Variants in CACNB4 observed in about 807,000 individuals in gnomAD.
CACNB4 encodes calcium voltage-gated channel auxiliary subunit beta 4, also known as voltage-dependent L-type calcium channel subunit beta-4.
Under a neutral mutation model 71.2 loss-of-function variants are expected in CACNB4, and 32 were observed. That is an observed-to-expected ratio of 0.45 (90% CI 0.34 to 0.60). CACNB4 has a LOEUF of 0.60. CACNB4 is among the 20% of genes least tolerant of loss of function. The pLI is 0.01. For synonymous variants in CACNB4, 231 were observed against 236.9 expected, an observed-to-expected ratio of 0.97 and a Z score of 0.23; for missense variants, 464 against 647.9, an observed-to-expected ratio of 0.72 and a Z score of 3.08.
chr2:151,847,349 G>A (rs1037982386), intron 12 of CACNB4, among the ~76,000 whole-genome samples: 1 of 151,948 alleles, frequency 6.6e-6, no homozygotes, highest in Non-Finnish European at 1.5e-5. Flanking sequence ...GAACAACAGA[G>A]CAAGACCCTG....
chr2:152,092,966 A>G lies in CACNB4; in HGVS notation c.147+5364T>C, dbSNP rs192228494. 2.0e-5 allele frequency among the ~76,000 whole-genome samples: 3 copies of G among 152,316 alleles called. No homozygotes were observed. The East Asian group carries it at 5.8e-4, about 29-fold the overall frequency. ...AATGTTAACAATATGTCATAATAAA[A>G]GTTATATGAAATGTAGTCTCTTTCT... On this transcript the variant is annotated intron_variant, in intron 2 of 13. Coordinates refer to ENST00000539935, the MANE Select transcript of CACNB4 (RefSeq NM_000726.5).
At chr2:152,053,617 G>A (rs1241819452) in intron 2 of CACNB4, among the ~76,000 whole-genome samples, 1 of 149,774 alleles carries the variant, frequency 6.7e-6, no homozygotes, top group Non-Finnish European at 1.5e-5. Flanking sequence ...TCGACCTCCT[G>A]AGCTCAAGAG....
At chr2:151,912,220 G>T (rs2099856353) in intron 2 of CACNB4, among the ~76,000 whole-genome samples, 1 of 151,810 alleles carries the variant, frequency 6.6e-6, no homozygotes, top group Admixed American at 6.6e-5. Flanking sequence ...TTTTGGATTA[G>T]CTTGCTCTTG....
At chr2:151,961,891 CAAAAAAAAT>C (rs2099869755) in intron 2 of CACNB4, among the ~76,000 whole-genome samples, 1 of 46,988 alleles carries the variant, frequency 2.1e-5, no homozygotes, top group Admixed American at 1.5e-4. Context: ...GACCCTGTCT[CAAAAAAAAT>C]AAAAAAAAGA....
chr2:151,933,499 C>T (rs972993787), intron 2 of CACNB4, among the ~76,000 whole-genome samples: 2 of 151,926 alleles, frequency 1.3e-5, no homozygotes, highest in African/African-American at 4.8e-5. Context: ...AACTGTCATC[C>T]CTCTTGTAAC....
chr2:151,945,391 G>A (rs932353319), intron 2 of CACNB4, among the ~76,000 whole-genome samples: 18 of 152,184 alleles, frequency 1.2e-4, no homozygotes, highest in African/African-American at 3.1e-4. Context: ...GGGATAGGCC[G>A]GGCATGATGG....
At chr2:151,889,578 T>A (rs1422702259) in intron 2 of CACNB4, among the ~76,000 whole-genome samples, 1 of 152,048 alleles carries the variant, frequency 6.6e-6, no homozygotes, top group Non-Finnish European at 1.5e-5. Context: ...TTGTTTGTAA[T>A]GACTTGACAA....
At chr2:152,022,807 C>T (rs950923694) in intron 2 of CACNB4, among the ~76,000 whole-genome samples, 1 of 152,152 alleles carries the variant, frequency 6.6e-6, no homozygotes, top group African/African-American at 2.4e-5. Context: ...GTTGCCACAA[C>T]TCTCCTACTT....
intron 2 of CACNB4, among the ~76,000 whole-genome samples, chr2:152,023,562 G>A (rs1463211592): frequency 3.3e-5 from 5 of 151,936 alleles, no homozygotes; most frequent in African/African-American, 1.2e-4. Flanking sequence ...AGCCTCCCAA[G>A]TAGCTGGGAT....
intron 2 of CACNB4, among the ~76,000 whole-genome samples, chr2:151,934,005 G>A (rs1349319707): frequency 2.0e-5 from 3 of 150,786 alleles, no homozygotes; most frequent in East Asian, 1.9e-4. Flanking sequence ...TCTGAAGAGA[G>A]TTATAAGGTG....
At chr2:152,082,338 C>T (rs557712524) in intron 2 of CACNB4, among the ~76,000 whole-genome samples, 2 of 152,246 alleles carry the variant, frequency 1.3e-5, no homozygotes, top group South Asian at 2.1e-4. Flanking sequence ...ACTGAATGGC[C>T]GTATGTTGTA....
chr2:151,879,488 T>C lies in CACNB4; in HGVS notation c.390+1312A>G, dbSNP rs1316964715. 5 of 152,026 alleles carry C rather than the reference T, an allele frequency of 3.3e-5. No individual in the cohort carries two copies. In the East Asian group the frequency reaches 5.8e-4, roughly 18 times the overall value. The allele number at this position is 152,026 out of a possible 1,614,324, so 9.4% of individuals were successfully genotyped here. ...TTGAGAAACTACTTAACATGGTGCA[T>C]AATAGATGGCCTTCTAAGTGATGGA... On this transcript the variant is annotated intron_variant, in intron 4 of 13. Coordinates refer to ENST00000539935, the MANE Select transcript of CACNB4 (RefSeq NM_000726.5).
At chr2:151,926,388 C>T (rs555414274) in intron 2 of CACNB4, among the ~76,000 whole-genome samples, 16 of 152,228 alleles carry the variant, frequency 1.1e-4, no homozygotes, top group Admixed American at 1.0e-3. Context: ...CTGACAAGAA[C>T]AGTTTCACTA....
At chr2:151,858,308 A>T (rs879872105) in intron 10 of CACNB4, 2 of 152,024 alleles carry the variant, frequency 1.3e-5, no homozygotes, top group Non-Finnish European at 2.9e-5. Flanking sequence ...TTATACTCAA[A>T]CCTGTTCATA....
intron 2 of CACNB4, among the ~76,000 whole-genome samples, chr2:152,058,974 G>C (rs1265274721): frequency 6.6e-6 from 1 of 152,256 alleles, no homozygotes; most frequent in Non-Finnish European, 1.5e-5. Context: ...TGCTTCAGAG[G>C]GTGCAAGTCC....
At chr2:151,896,666 T>C (rs1451860870) in intron 2 of CACNB4, among the ~76,000 whole-genome samples, 1 of 152,184 alleles carries the variant, frequency 6.6e-6, no homozygotes, top group Non-Finnish European at 1.5e-5. Context: ...GGGCAGGAGA[T>C]GACAGCAAGG....
At chr2:151,935,895 T>C (rs1578868709) in intron 2 of CACNB4, among the ~76,000 whole-genome samples, 1 of 152,346 alleles carries the variant, frequency 6.6e-6, no homozygotes, top group Middle Eastern at 3.4e-3. Context: ...GAGATCTGGA[T>C]TGCTTTCCAA....
At chr2:152,066,044 A>G (rs1686299287) in intron 2 of CACNB4, among the ~76,000 whole-genome samples, 1 of 152,252 alleles carries the variant, frequency 6.6e-6, no homozygotes, top group East Asian at 1.9e-4. Context: ...TCTTAAATCA[A>G]TCAAGTGGAA....
chr2:151,888,619 C>T (rs2099849964), intron 2 of CACNB4, among the ~76,000 whole-genome samples: 1 of 152,182 alleles, frequency 6.6e-6, no homozygotes, highest in African/African-American at 2.4e-5. Context: ...AATCTTTCCA[C>T]TGTTGGAAGT....
Sources: allele counts gnomAD v4.1 joint callset (sites outside exome capture counted in the v4.1 genomes callset), GRCh38; gene constraint gnomAD v4.1.1; transcripts MANE v1.5; gene names NCBI Gene and HGNC (gene_info 2026-07-23, HGNC 2026-07-21).